Variants in MUC5AC observed in about 807,000 individuals in gnomAD.
MUC5AC encodes the protein mucin-5AC.
In MUC5AC, 158 loss-of-function variants were observed where a neutral mutation model predicts 169.7. The ratio of observed to expected loss-of-function variants is 0.93; its 90% CI spans 0.82 to 1.06. MUC5AC has a LOEUF of 1.06. Ranked by LOEUF, MUC5AC falls within the 50% of genes least tolerant of loss-of-function variation. The pLI is 0.00. For synonymous variants in MUC5AC, 1,975 were observed against 1,237.0 expected (o/e 1.60, Z -12.52); for missense variants, 4,359 against 3,089.9 (o/e 1.41, Z -9.74).
rs1194032257 is a variant in MUC5AC at position 1,161,838 on chromosome 11, G to A, written c.212-69G>A. On this transcript the variant is annotated intron_variant, in intron 3 of 48. Coordinates refer to ENST00000621226, the MANE Select transcript of MUC5AC (RefSeq NM_001304359.2). ...CCCTGGGGAGGGGCAGGAGGTACAG[G>A]GCAGAGGCAGGGGGTGCAGGGCGAG... is the stretch of plus-strand genomic sequence containing the variant. 3.2e-6 allele frequency: 5 copies of A among 1,542,892 alleles called. No homozygotes were observed. In the East Asian group the frequency reaches 9.4e-5, roughly 29 times the overall value.
intron 19 of MUC5AC, among the ~76,000 whole-genome samples, chr11:1,175,817 C>CGCACA (rs1158053125): frequency 3.2e-5 from 1 of 30,862 alleles, no homozygotes. Flanking sequence ...CTCATGCACA[C>CGCACA]CACACCCACT....
At chr11:1,196,324 C>G in intron 37 of MUC5AC, 64 bp from the exon 38 acceptor site, 2 of 750,452 alleles carry the variant, frequency 2.7e-6, no homozygotes, top group Non-Finnish European at 2.4e-6. Flanking sequence ...TGGTGCCCAG[C>G]GGCCCGCGTT....
rs769997955 is a variant in MUC5AC at position 1,162,010 on chromosome 11, C to T, written c.315C>T (p.Tyr105=). The T allele has an allele frequency of 4.3e-6, 7 of 1,612,420 alleles. No homozygotes were observed. The highest frequency in any genetic ancestry group is 1.7e-5 in the Admixed American group (1 of 59,934). The change falls in exon 4 of 49, where the codon TAC becomes TAT. Residue 105 remains tyrosine (Y), a synonymous_variant. Coordinates refer to ENST00000621226, the MANE Select transcript of MUC5AC (RefSeq NM_001304359.2). ...TCCGCTTCCCCGGCCTCTGCAACTA[C>T]GTGTTCTCCGAGCACTGCGGTGCCG... ...DVFRFPGLCN[Y]VFSEHCGAAY...
rs540223217 is a variant in MUC5AC at position 1,163,928 on chromosome 11, C to T, written c.726C>T (p.Asp242=). The T allele has an allele frequency of 1.9e-5, 31 of 1,611,334 alleles. No individual in the cohort carries two copies. Among genetic ancestry groups the T allele is most frequent in the Middle Eastern group, 1.6e-4 (1 of 6,062 alleles). The change falls in exon 7 of 49, where the codon GAC becomes GAT. Residue 242 remains aspartate (D), a synonymous_variant. Transcript: ENST00000621226. Reference sequence around the variant, plus strand: ...AATTCGGGAACCTGCAGAAGATGGACGACCCCACGGACCAGTGTCAGGACC... The same window carrying T: ...AATTCGGGAACCTGCAGAAGATGGATGACCCCACGGACCAGTGTCAGGACC... ...PMEFGNLQKM[D]DPTDQCQDPV...
rs1590144329 is a variant in MUC5AC, at chr11:1,183,299, G to A, written c.5154G>A (p.Thr1718=). The change falls in exon 31 of 49, where the codon ACG becomes ACA. Residue 1718 remains threonine (T), a synonymous_variant. Coordinates refer to ENST00000621226, the MANE Select transcript of MUC5AC (RefSeq NM_001304359.2). ...CCTCGGCCTCCACAGAGCAACCCACGGCAACCTCCAGGGGTGGGCCCACAG... is the reference window on the plus strand; with the variant it reads ...CCTCGGCCTCCACAGAGCAACCCACAGCAACCTCCAGGGGTGGGCCCACAG... The part of the protein sequence containing the change: ...HMPSASTEQP[T]ATSRGGPTAT... 1.6e-5 allele frequency: 7 copies of A among 437,680 alleles called. No individual in the cohort carries two copies. Among genetic ancestry groups the A allele is most frequent in the African/African-American group, 9.4e-5 (3 of 32,010 alleles). 27.1% of individuals were successfully genotyped at this position (437,680 alleles called of 1,614,324 possible).
In MUC5AC at chr11:1,194,573, C is replaced by T. The variant is rs1861211401; in HGVS notation, c.15093C>T (p.Thr5031=). The T allele has an allele frequency of 2.6e-6, 2 of 764,522 alleles. No homozygotes were observed. Among genetic ancestry groups the T allele is most frequent in the East Asian group, 4.9e-5 (2 of 41,226 alleles). The allele number at this position is 764,522 out of a possible 1,614,324, so 47.4% of individuals were successfully genotyped here. Residue 5031 remains threonine, a synonymous_variant, in exon 35 of 49, where the codon ACC becomes ACT. Coordinates refer to ENST00000621226, the MANE Select transcript of MUC5AC (RefSeq NM_001304359.2). ...VSRIGVKMYA[T]IPELGVQVMF... ...GCATCGGCGTCAAGATGTACGCGAC[C>T]ATCCCGGAGCTGGGAGTCCAGGTCA... is the stretch of plus-strand genomic sequence containing the variant.
intron 19 of MUC5AC, among the ~76,000 whole-genome samples, chr11:1,175,761 T>C (rs1212306255): frequency 2.9e-5 from 3 of 104,608 alleles, no homozygotes; most frequent in Admixed American, 1.1e-4. Context: ...CCCACACTCA[T>C]GCACACGCTC....
Position 1,195,213 on chromosome 11 carries a change from C to T in MUC5AC, c.15392C>T (p.Thr5131Met), listed in dbSNP as rs75033601. 2.9e-5 allele frequency: 22 copies of T among 760,206 alleles called. No individual in the cohort carries two copies. The highest frequency in any genetic ancestry group is 2.4e-4 in the Admixed American group (14 of 58,610). 47.1% of individuals were successfully genotyped at this position (760,206 alleles called of 1,614,324 possible). A position where few individuals can be genotyped will look rare whatever the true frequency, so the allele number is the denominator to read the frequency against. ...TVGPTTVGST[T>M]VGPTTPPAPC... is the part of the protein sequence containing the mutation. ...GGGCCCACCACAGTTGGGTCTACCA[C>T]GGTCGGGCCCACCACACCGCCTGCT... Residue 5131 changes from threonine to methionine, a missense_variant, in exon 36 of 49, where the codon ACG (threonine) becomes ATG (methionine). Thr to Met is a moderately conservative substitution (Grantham distance 81). Transcript: ENST00000621226.
At chr11:1,163,431 A>G (rs1199658150) in intron 6 of MUC5AC, among the ~76,000 whole-genome samples, 2 of 152,144 alleles carry the variant, frequency 1.3e-5, no homozygotes, top group Non-Finnish European at 2.9e-5. Context: ...TGCCAGGCCC[A>G]TGAAGCCCCA....
chr11:1,192,503 G>C lies in MUC5AC; in HGVS notation c.14358G>C (p.Val4786=). The change falls in exon 31 of 49, where the codon GTG becomes GTC. Residue 4786 remains valine, a synonymous_variant. Transcript: ENST00000621226. ...AYSTQTCFCN[V]ADRLYPAGST... is the part of the protein sequence containing the mutation. ...CCACCCAAACCTGCTTCTGCAACGT[G>C]GCTGACCGGCTCTACCCTGCAGGTT... 1.3e-6 allele frequency: 1 copy of C among 765,044 alleles called. No homozygotes were observed. The highest frequency in any genetic ancestry group is 2.4e-6 in the Non-Finnish European group (1 of 417,848). 47.4% of individuals were successfully genotyped at this position (765,044 alleles called of 1,614,324 possible).
In MUC5AC at chr11:1,194,371, G is replaced by A. The variant is rs761655025; in HGVS notation, c.15006+11G>A. The A allele has an allele frequency of 1.7e-5, 12 of 716,020 alleles. No individual in the cohort carries two copies. The highest frequency in any genetic ancestry group is 3.5e-5 in the African/African-American group (2 of 57,860). The allele number at this position is 716,020 out of a possible 1,614,324, so 44.4% of individuals were successfully genotyped here. ...GTGATGACAAACGAGGTGGGGGCGCGCCCGGTGTGCCGCGGAGGGGGTGGG... is the reference window on the plus strand; with the variant it reads ...GTGATGACAAACGAGGTGGGGGCGCACCCGGTGTGCCGCGGAGGGGGTGGG... On this transcript the variant is annotated intron_variant, in intron 34 of 48. Transcript: ENST00000621226.
At chr11:1,165,589 C>T (rs560107349) in intron 10 of MUC5AC, 33 bp from the exon 11 acceptor site, 17 of 1,608,796 alleles carry the variant, frequency 1.1e-5, no homozygotes, top group Admixed American at 1.0e-4. Context: ...CTCCTGGGGC[C>T]GGCACCCACG....
Position 1,193,525 on chromosome 11 carries a change from C to G in MUC5AC, c.14621C>G (p.Thr4874Ser), listed in dbSNP as rs56255885. Reference protein sequence around the residue: ...TWATPNCSEATCEGNNVISLR... With the variant: ...TWATPNCSEASCEGNNVISLR... ...GCCACACCCAACTGCTCCGAGGCCA[C>G]CTGTGAGGGCAACAACGTCATCTCC... The change falls in exon 33 of 49, where the codon ACC (threonine) becomes AGC (serine). Residue 4874 changes from threonine to serine, a missense_variant. Transcript: ENST00000621226. 949 of 759,066 alleles carry G rather than the reference C, an allele frequency of 1.3e-3. 5 individuals are homozygous for G. In the African/African-American group the frequency reaches 0.015, roughly 12 times the overall value. 47.0% of individuals were successfully genotyped at this position (759,066 alleles called of 1,614,324 possible).
intron 16 of MUC5AC, among the ~76,000 whole-genome samples, chr11:1,174,008 C>T (rs892375844): frequency 3.3e-5 from 5 of 152,196 alleles, no homozygotes; most frequent in African/African-American, 1.2e-4. Flanking sequence ...TTCACTCACT[C>T]ATTCATCCAC....
intron 16 of MUC5AC, among the ~76,000 whole-genome samples, chr11:1,173,018 C>A: frequency 7.0e-6 from 1 of 142,788 alleles, no homozygotes; most frequent in East Asian, 2.3e-4. Flanking sequence ...ACCCATTCGC[C>A]CCCCCACTCA....
At chr11:1,197,062 C>T (rs533034715) in intron 40 of MUC5AC, among the ~76,000 whole-genome samples, 154 bp downstream of exon 40, 1 of 152,306 alleles carries the variant, frequency 6.6e-6, no homozygotes, top group African/African-American at 2.4e-5. Flanking sequence ...GCGGGAGGAG[C>T]CGGGCTCCCA....
Position 1,199,963 on chromosome 11 carries a change from C to T in MUC5AC, c.16694C>T (p.Ser5565Phe). 1 of 761,664 alleles carries T rather than the reference C, an allele frequency of 1.3e-6. No individual in the cohort carries two copies. The allele number at this position is 761,664 out of a possible 1,614,324, so 47.2% of individuals were successfully genotyped here. Residue 5565 changes from serine to phenylalanine, a missense_variant, in exon 48 of 49, where the codon TCT (serine) becomes TTT (phenylalanine). Transcript: ENST00000621226. ...AYCRGNCGDSSSMYSLEGNTV... is the reference protein window; with the variant it reads ...AYCRGNCGDSFSMYSLEGNTV... ...TGCCGGGGGAACTGTGGGGACAGCT[C>T]TTCCATGTACGTGCCTGGGCAGCAG...
chr11:1,162,662 G>T lies in MUC5AC; in HGVS notation c.588+16G>T, dbSNP rs745922123. 14 of 1,607,204 alleles carry T rather than the reference G, an allele frequency of 8.7e-6. No individual in the cohort carries two copies. In the African/African-American group the frequency reaches 1.7e-4, roughly 20 times the overall value. On this transcript the variant is annotated intron_variant, in intron 5 of 48. Coordinates refer to ENST00000621226, the MANE Select transcript of MUC5AC (RefSeq NM_001304359.2). ...CAGCCTGCTGGTGAGGCTGGGTGGG[G>T]GTGTCCCGGTGTGCAACTCCAGCCC... is the stretch of plus-strand genomic sequence containing the variant.
At chr11:1,163,195 C>A in intron 6 of MUC5AC, 150 bp downstream of exon 6, 2 of 764,226 alleles carry the variant, frequency 2.6e-6, no homozygotes, top group Non-Finnish European at 4.4e-6. Context: ...CACACGTGCA[C>A]ACACGCGATC....
Sources: gnomAD v4.1 joint callset for allele counts (sites outside exome capture counted in the v4.1 genomes callset) on GRCh38, gnomAD v4.1.1 for gene constraint, MANE v1.5 for transcripts, NCBI Gene and HGNC (gene_info 2026-07-23, HGNC 2026-07-21) for gene names.